CHD6: variants seen among roughly 807,000 people sequenced by gnomAD.
CHD6 encodes chromodomain helicase DNA binding protein 6, also known as ATP-dependent chromatin remodeler CHD6.
Under a neutral mutation model 276.9 loss-of-function variants are expected in CHD6, and 50 were observed. The observed-to-expected ratio is 0.18, with a 90% confidence interval of 0.14 to 0.23. The LOEUF (loss-of-function observed/expected upper bound fraction) is 0.23. Ranked by LOEUF, CHD6 falls within the 10% of genes least tolerant of loss-of-function variation. CHD6 has a pLI of 1.00. For synonymous variants in CHD6, 1,173 were observed against 1,229.3 expected (o/e 0.95, Z 0.96); for missense variants, 2,564 against 3,365.8 (o/e 0.76, Z 5.89).
chr20:41,406,935 C>T (rs1367626258), intron 36 of CHD6, among the ~76,000 whole-genome samples: 1 of 152,240 alleles, frequency 6.6e-6, no homozygotes, highest in Non-Finnish European at 1.5e-5. Flanking sequence ...ACTGCCTGGG[C>T]ATCTTCTTAC....
At chr20:41,532,827 C>A (rs983646687) in intron 3 of CHD6, among the ~76,000 whole-genome samples, 5 of 152,204 alleles carry the variant, frequency 3.3e-5, no homozygotes, top group African/African-American at 1.2e-4. Flanking sequence ...TTTTGAAATA[C>A]CACGACTTTA....
intron 17 of CHD6, among the ~76,000 whole-genome samples, chr20:41,466,802 CTT>C (rs1415983049): frequency 1.3e-5 from 2 of 152,184 alleles, no homozygotes; most frequent in Non-Finnish European, 2.9e-5. Context: ...AACCCTGACT[CTT>C]GTACAGGGCA....
chr20:41,617,975 C>G (rs940423910), intron 1 of CHD6, among the ~76,000 whole-genome samples: 43 of 146,642 alleles, frequency 2.9e-4, no homozygotes, highest in Non-Finnish European at 6.1e-4. Flanking sequence ...GCCCCGCCCC[C>G]GCCCGCCAGG....
Position 41,483,291 on chromosome 20 carries a change from C to CT in CHD6, c.2468+17dup. 1 of 1,594,406 alleles carries CT rather than the reference C, an allele frequency of 6.3e-7. No individual in the cohort carries two copies. The highest frequency in any genetic ancestry group is 8.5e-7 in the Non-Finnish European group (1 of 1,171,052). On this transcript the variant is annotated intron_variant, in intron 16 of 36. Coordinates refer to ENST00000373233, the MANE Select transcript of CHD6 (RefSeq NM_032221.5). The stretch of plus-strand genomic sequence containing the variant: ...AACTGTCCCATTGTTGAATGCAGAG[C>CT]TTTGACACAAGTCTCACCTTCTCTG...
intron 3 of CHD6, among the ~76,000 whole-genome samples, chr20:41,519,975 T>C (rs182633867): frequency 6.6e-5 from 10 of 151,728 alleles, no homozygotes; most frequent in Middle Eastern, 3.4e-3. Context: ...AACAAATTTG[T>C]AAGAAAAAAA....
At chr20:41,485,591 A>T (rs1412026376) in intron 14 of CHD6, 1 of 151,804 alleles carries the variant, frequency 6.6e-6, no homozygotes, top group African/African-American at 2.4e-5. Flanking sequence ...AACATGCTTT[A>T]TTTTGCAAAC....
chr20:41,536,111 CAA>C (rs1246569181), intron 2 of CHD6, among the ~76,000 whole-genome samples: 3 of 152,064 alleles, frequency 2.0e-5, no homozygotes, highest in Non-Finnish European at 4.4e-5. Flanking sequence ...AAGGGAAAGG[CAA>C]AGAGCTGAAA....
At chr20:41,506,868 T>A (rs1189491937) in intron 5 of CHD6, among the ~76,000 whole-genome samples, 3 of 152,206 alleles carry the variant, frequency 2.0e-5, no homozygotes, top group Non-Finnish European at 4.4e-5. Flanking sequence ...AGGTGCTCAA[T>A]AAATACTTCT....
chr20:41,465,406 C>A (rs904747125), intron 17 of CHD6, among the ~76,000 whole-genome samples: 1 of 152,104 alleles, frequency 6.6e-6, no homozygotes, highest in African/African-American at 2.4e-5. Context: ...TCGTATCTCA[C>A]CATAAGAAAA....
chr20:41,591,031 T>G (rs1170822843), intron 1 of CHD6, among the ~76,000 whole-genome samples: 1 of 151,428 alleles, frequency 6.6e-6, no homozygotes, highest in Admixed American at 6.6e-5. Context: ...TATGCAGCCA[T>G]AAAAAAATGA....
At position 41,551,458 on chromosome 20, in the gene CHD6, A is replaced by G. The variant is rs180799632; in HGVS notation, c.-23-98T>C. 355 of 609,476 alleles carry G rather than the reference A, an allele frequency of 5.8e-4. 1 individual carries two copies. The highest frequency in any genetic ancestry group is 1.8e-3 in the Admixed American group (64 of 36,128). 37.8% of individuals were successfully genotyped at this position (609,476 alleles called of 1,614,324 possible). ...ACTGTAACACACAAGGAAAACAAAC[A>G]GGGGATTACTTCTGCAGAACATTTA... On this transcript the variant is annotated intron_variant, in intron 1 of 36. Transcript: ENST00000373233.
chr20:41,456,105 G>C, intron 18 of CHD6, 126 bp from the exon 19 acceptor site: 1 of 864,644 alleles, frequency 1.2e-6, no homozygotes, highest in Non-Finnish European at 1.7e-6. Context: ...AAAGGACGTG[G>C]GCAACAAACT....
chr20:41,526,346 T>G (rs2044535184), intron 3 of CHD6, among the ~76,000 whole-genome samples: 1 of 152,058 alleles, frequency 6.6e-6, no homozygotes, highest in Non-Finnish European at 1.5e-5. Flanking sequence ...AAAACAAGTC[T>G]CCCAACAGAA....
intron 5 of CHD6, among the ~76,000 whole-genome samples, chr20:41,499,724 T>C (rs2043787148): frequency 6.6e-6 from 1 of 152,208 alleles, no homozygotes; most frequent in Admixed American, 6.5e-5. Flanking sequence ...TAAAATTAGT[T>C]CTAATATCTA....
intron 2 of CHD6, among the ~76,000 whole-genome samples, chr20:41,546,598 G>A (rs928017102): frequency 2.0e-5 from 3 of 152,034 alleles, no homozygotes; most frequent in Non-Finnish European, 4.4e-5. Context: ...TCATTGTTTC[G>A]TTGTTGCTAA....
chr20:41,485,044 C>G (rs1337598390), intron 14 of CHD6, among the ~76,000 whole-genome samples: 1 of 152,154 alleles, frequency 6.6e-6, no homozygotes, highest in African/African-American at 2.4e-5. Flanking sequence ...TAGAGATGAT[C>G]TGGAAAACAA....
At chr20:41,554,227 T>A (rs972405703) in intron 1 of CHD6, among the ~76,000 whole-genome samples, 8 of 152,176 alleles carry the variant, frequency 5.3e-5, no homozygotes, top group Non-Finnish European at 1.0e-4. Flanking sequence ...AAAGAACTGA[T>A]ACAATTATGA....
At chr20:41,556,320 G>A (rs538231573) in intron 1 of CHD6, among the ~76,000 whole-genome samples, 1 of 129,540 alleles carries the variant, frequency 7.7e-6, no homozygotes, top group Non-Finnish European at 1.6e-5. Context: ...GAGAGGGAGA[G>A]GGCACCTTTT....
chr20:41,509,010 A>G (rs2044046283), intron 5 of CHD6, among the ~76,000 whole-genome samples: 1 of 152,184 alleles, frequency 6.6e-6, no homozygotes, highest in South Asian at 2.1e-4. Flanking sequence ...GCTACTAACC[A>G]ACAGAAACAT....
Sources: allele counts gnomAD v4.1 joint callset (sites outside exome capture counted in the v4.1 genomes callset), GRCh38; gene constraint gnomAD v4.1.1; transcripts MANE v1.5; gene names NCBI Gene and HGNC (gene_info 2026-07-23, HGNC 2026-07-21).